ZNF454: variants seen among roughly 807,000 people sequenced by gnomAD.
The protein encoded by ZNF454 is zinc finger protein 454.
In ZNF454, 30 loss-of-function variants were observed where a neutral mutation model predicts 48.2. The observed-to-expected ratio is 0.62, with a 90% CI of 0.47 to 0.84. The LOEUF (loss-of-function observed/expected upper bound fraction) is 0.84. Ranked by LOEUF, ZNF454 falls within the 40% of genes least tolerant of loss-of-function variation. The probability of loss-of-function intolerance (pLI) is 0.00; values close to 1 mark genes in which losing one functional copy is unlikely to be tolerated. For missense variants in ZNF454, 510 were observed against 623.1 expected, an observed-to-expected ratio of 0.82 and a Z score of 1.93; for synonymous variants, 204 against 211.4, an observed-to-expected ratio of 0.97 and a Z score of 0.30.
intron 4 of ZNF454, among the ~76,000 whole-genome samples, chr5:178,952,810 A>T (rs1310385337): frequency 2.0e-5 from 3 of 152,128 alleles, no homozygotes; most frequent in African/African-American, 7.2e-5. Flanking sequence ...TTAAATGACT[A>T]AACATGTGAC....
At chr5:178,971,172 C>G (rs549722726), downstream of ZNF454, among the ~76,000 whole-genome samples, 2 of 152,146 alleles carry the variant, frequency 1.3e-5, no homozygotes, top group African/African-American at 2.4e-5. Flanking sequence ...CTCGGGATAA[C>G]AAATGTACTC....
At chr5:178,955,791 G>C (rs1388195441) in intron 4 of ZNF454, among the ~76,000 whole-genome samples, 4 of 152,146 alleles carry the variant, frequency 2.6e-5, no homozygotes, top group African/African-American at 7.2e-5. Context: ...AGTCTTCTGG[G>C]CCAGGAGCAG....
chr5:178,943,751 C>T (rs1010047554), intron 2 of ZNF454, among the ~76,000 whole-genome samples: 4 of 152,306 alleles, frequency 2.6e-5, no homozygotes, highest in South Asian at 4.1e-4. Context: ...ATGGGCCAGA[C>T]GCGGTGGCTC....
At chr5:178,985,660 G>A in the ZNF454 span, 282 of 388,762 alleles carry the variant, frequency 7.3e-4, 3 homozygotes, top group South Asian at 4.1e-3. Context: ...CTGAGATAGT[G>A]CCACTGCACT....
In ZNF454 at chr5:178,941,314, T is replaced by C. The variant is rs747647809; in HGVS notation, c.-238T>C. The stretch of plus-strand genomic sequence containing the variant: ...ACACGGGGCTGACCAGGCACGGTGG[T>C]CAAAGCCGCAGAGGGAGAGCGGGAG... On this transcript the variant is annotated 5_prime_UTR_variant, in exon 1 of 5. Coordinates refer to ENST00000519564, the MANE Select transcript of ZNF454 (RefSeq NM_001178089.3). The surrounding 1 kb of genome is among the most constrained non-coding windows in gnomAD (Gnocchi z 5.5). 2 of 447,630 alleles carry C rather than the reference T, an allele frequency of 4.5e-6. No homozygotes were observed. The highest frequency in any genetic ancestry group is 9.0e-6 in the Non-Finnish European group (2 of 221,656). The allele number at this position is 447,630 out of a possible 1,614,324, so 27.7% of individuals were successfully genotyped here.
the ZNF454 span, chr5:178,983,212 T>C: frequency 0.039 from 63,393 of 1,610,506 alleles, 1,905 homozygotes; most frequent in East Asian, 0.16. Context: ...CATGCTATCA[T>C]CCCCACCACC....
At chr5:178,981,915 A>G in the ZNF454 span, 1 of 1,001,394 alleles carries the variant, frequency 1.0e-6, no homozygotes, top group Non-Finnish European at 1.6e-6. This position sits in a 1 kb window ranked among gnomAD's most constrained non-coding sequence, Gnocchi z 5.1. Context: ...CCCGCTCCAC[A>G]CAGTCCTCAC....
chr5:178,977,262 C>T, the ZNF454 span: 2 of 275,932 alleles, frequency 7.2e-6, no homozygotes, highest in East Asian at 9.6e-5. Flanking sequence ...GGAGCTGGGG[C>T]CTTTGGGAGG....
downstream of ZNF454, among the ~76,000 whole-genome samples, chr5:178,969,933 C>T (rs756160496): frequency 1.3e-5 from 2 of 152,150 alleles, no homozygotes; most frequent in East Asian, 1.9e-4. Flanking sequence ...GCCGGGTGCC[C>T]CTCATCTCCA....
rs925952837 is a variant in ZNF454 at position 178,944,874 on chromosome 5, T to C, written c.34-1485T>C. ...TGCTAGGTTAGGTTTCGGCTACACCTGTGTGTCAGGACAGAGAGACTTTCC... is the reference window on the plus strand; with the variant it reads ...TGCTAGGTTAGGTTTCGGCTACACCCGTGTGTCAGGACAGAGAGACTTTCC... On this transcript the variant is annotated intron_variant, in intron 2 of 4. Transcript: ENST00000519564. This position sits in a 1 kb window ranked among gnomAD's most constrained non-coding sequence, Gnocchi z 4.1. Among the ~76,000 whole-genome samples the C allele has an allele frequency of 6.6e-6, 1 of 152,220 alleles. No individual in the cohort carries two copies. The highest frequency in any genetic ancestry group is 2.4e-5 in the African/African-American group (1 of 41,454).
chr5:178,942,893 G>T, intron 2 of ZNF454, 69 bp downstream of exon 2: 1 of 1,548,654 alleles, frequency 6.5e-7, no homozygotes, highest in East Asian at 2.3e-5. Flanking sequence ...TGCTTCCTCA[G>T]ACCGGGAGCT....
the ZNF454 span, chr5:178,979,461 A>C: frequency 1.3e-5 from 2 of 152,264 alleles, no homozygotes; most frequent in Non-Finnish European, 2.9e-5. Flanking sequence ...CCCTGCAAGT[A>C]GACCGAATGT....
the ZNF454 span, chr5:178,982,744 G>A: frequency 1.6e-6 from 1 of 626,106 alleles, no homozygotes; most frequent in Non-Finnish European, 2.9e-6. Context: ...GGGGTTAGAA[G>A]CTTGGAAAAG....
At chr5:178,960,261 C>CT (rs546306673) in intron 4 of ZNF454, among the ~76,000 whole-genome samples, 15,697 of 129,210 alleles carry the variant, frequency 0.12, 1,337 homozygotes, top group African/African-American at 0.25. Context: ...CATTCCTTTT[C>CT]TTTTTTTTTT....
downstream of ZNF454, among the ~76,000 whole-genome samples, chr5:178,968,105 TCACACACACACA>T (rs3031585): frequency 1.1e-3 from 164 of 145,086 alleles, no homozygotes; most frequent in African/African-American, 3.9e-3. Flanking sequence ...CATCTGTGCA[TCACACACACACA>T]CACACACACA....
chr5:178,987,570 T>TA, the ZNF454 span: 3,985 of 404,910 alleles, frequency 9.8e-3, 45 homozygotes, highest in South Asian at 0.023. Flanking sequence ...CATGCGCAAA[T>TA]ACCGTCTGAT....
chr5:178,956,044 C>T (rs560226420), intron 4 of ZNF454, among the ~76,000 whole-genome samples: 73 of 152,266 alleles, frequency 4.8e-4, no homozygotes, highest in Non-Finnish European at 9.4e-4. Flanking sequence ...CTGTCCTCCA[C>T]CACATTTGTC....
rs945659191 is a variant in ZNF454, at chr5:178,942,741, G to A, written c.-51G>A. On this transcript the variant is annotated 5_prime_UTR_variant, in exon 2 of 5. Transcript: ENST00000519564. ...CCTGCAGGTGTGAAGCTCCACACCT[G>A]CCTCCATAGCACTTTGCCTGTCCCT... 6.2e-7 allele frequency: 1 copy of A among 1,611,588 alleles called. No homozygotes were observed. Among genetic ancestry groups the A allele is most frequent in the African/African-American group, 1.3e-5 (1 of 74,990 alleles).
chr5:178,983,137 G>A, the ZNF454 span: 3 of 1,613,852 alleles, frequency 1.9e-6, no homozygotes, highest in Non-Finnish European at 8.5e-7. Context: ...CCTCTGGCCT[G>A]CTCGGGGTCC....
Sources: allele counts gnomAD v4.1 joint callset (sites outside exome capture counted in the v4.1 genomes callset), GRCh38; gene constraint gnomAD v4.1.1; non-coding constraint Gnocchi (gnomAD v3.1); transcripts MANE v1.5; gene names NCBI Gene and HGNC (gene_info 2026-07-23, HGNC 2026-07-21).